Variants in TNRC6B observed in about 807,000 individuals in gnomAD.
TNRC6B encodes trinucleotide repeat containing adaptor 6B, also known as trinucleotide repeat-containing gene 6B protein.
TNRC6B carries 52 observed loss-of-function variants against 203.6 expected under a neutral mutation model. The ratio of observed to expected loss-of-function variants is 0.26; its 90% CI spans 0.20 to 0.32. The LOEUF is 0.32. Among genes scored for constraint, TNRC6B ranks in the 10% least tolerant of loss-of-function variants. The pLI is 1.00. For synonymous variants in TNRC6B, 838 were observed against 845.7 expected (o/e 0.99, Z 0.16); for missense variants, 1,923 against 2,286.2 (o/e 0.84, Z 3.24).
At chr22:40,269,368 A>G (rs2070527925) in intron 5 of TNRC6B, among the ~76,000 whole-genome samples, 1 of 151,908 alleles carries the variant, frequency 6.6e-6, no homozygotes, top group African/African-American at 2.4e-5. Flanking sequence ...TCCTGACCTC[A>G]GGAGATCCAC....
intron 4 of TNRC6B, among the ~76,000 whole-genome samples, chr22:40,164,760 C>CAA (rs550507661): frequency 1.0e-4 from 9 of 90,334 alleles, no homozygotes; most frequent in Non-Finnish European, 1.6e-4. Context: ...AATTCTGTCT[C>CAA]AAAAAAAAAA....
chr22:40,249,598 A>G (rs2070156739), intron 2 of TNRC6B, among the ~76,000 whole-genome samples: 2 of 152,236 alleles, frequency 1.3e-5, no homozygotes, highest in African/African-American at 4.8e-5. Context: ...CAGAACCCAC[A>G]TGATAAAACA....
At chr22:40,262,601 T>C (rs1273981411) in intron 4 of TNRC6B, among the ~76,000 whole-genome samples, 1 of 152,194 alleles carries the variant, frequency 6.6e-6, no homozygotes, top group African/African-American at 2.4e-5. Flanking sequence ...ATATAGAATC[T>C]TCGGAGGATT....
At chr22:40,249,871 C>G (rs540601462) in intron 2 of TNRC6B, among the ~76,000 whole-genome samples, 2 of 152,290 alleles carry the variant, frequency 1.3e-5, no homozygotes, top group African/African-American at 4.8e-5. Context: ...TCCACAAATT[C>G]ACTGTAATAG....
chr22:40,134,034 T>C (rs1201325439), intron 3 of TNRC6B, among the ~76,000 whole-genome samples: 1 of 150,676 alleles, frequency 6.6e-6, no homozygotes, highest in Non-Finnish European at 1.5e-5. Flanking sequence ...AAAAATTTGA[T>C]TGTGTTTCAG....
At chr22:40,315,869 A>G in intron 20 of TNRC6B, 73 bp from the exon 21 acceptor site, 2 of 1,123,532 alleles carry the variant, frequency 1.8e-6, no homozygotes, top group Non-Finnish European at 2.6e-6. Flanking sequence ...GCTACATGAA[A>G]ATCTTTCTCC....
At chr22:40,206,903 G>A (rs1172602454) in intron 1 of TNRC6B, among the ~76,000 whole-genome samples, 1 of 152,144 alleles carries the variant, frequency 6.6e-6, no homozygotes, top group Non-Finnish European at 1.5e-5. Context: ...TAGGGCCGCC[G>A]TAACAAAATA....
At chr22:40,280,482 A>C (rs184177633) in intron 10 of TNRC6B, among the ~76,000 whole-genome samples, 1 of 152,228 alleles carries the variant, frequency 6.6e-6, no homozygotes, top group African/African-American at 2.4e-5. Context: ...CAAATATTCC[A>C]TGTCTCCTAA....
chr22:40,277,983 G>C lies in TNRC6B; in HGVS notation c.3217-16G>C. 1 of 1,546,154 alleles carries C rather than the reference G, an allele frequency of 6.5e-7. No individual in the cohort carries two copies. ...GTGCATCCTTAATTCTCTCTCATCT[G>C]TTCTTTATTTTCCAGAGTCAGACTG... On this transcript the variant is annotated splice_polypyrimidine_tract_variant and intron_variant, in intron 8 of 22. Transcript: ENST00000454349.
intron 21 of TNRC6B, among the ~76,000 whole-genome samples, chr22:40,320,116 C>T (rs187161810): frequency 1.3e-5 from 2 of 152,290 alleles, no homozygotes; most frequent in Non-Finnish European, 2.9e-5. Context: ...GCTTTTTAAT[C>T]TATTCAATAG....
At chr22:40,165,075 C>T (rs990416867) in intron 4 of TNRC6B, among the ~76,000 whole-genome samples, 28 of 151,032 alleles carry the variant, frequency 1.9e-4, no homozygotes, top group African/African-American at 6.5e-4. Context: ...AGCCACCGCA[C>T]CCACCCCTCC....
rs1469002133 is a variant in TNRC6B, at chr22:40,323,950, C to G, written c.*709C>G. ...CTGTCTCTGTGTGTGTGCCTGTGTT[C>G]TTCCCTTCTCCCCTGCCCCACCCTG... On this transcript the variant is annotated 3_prime_UTR_variant, in exon 23 of 23. Transcript: ENST00000454349. The G allele has an allele frequency of 2.0e-5, 3 of 152,322 alleles. No homozygotes were observed. Among genetic ancestry groups the G allele is most frequent in the African/African-American group, 4.8e-5 (2 of 41,394 alleles). 9.4% of individuals were successfully genotyped at this position (152,322 alleles called of 1,614,324 possible). A position where few individuals can be genotyped will look rare whatever the true frequency, so the allele number is the denominator to read the frequency against.
At chr22:40,083,337 T>C (rs1025448869) in intron 1 of TNRC6B, among the ~76,000 whole-genome samples, 1 of 152,142 alleles carries the variant, frequency 6.6e-6, no homozygotes, top group Non-Finnish European at 1.5e-5. Flanking sequence ...ATTAACTGAA[T>C]TGAGTGCTGC....
chr22:40,098,886 C>T (rs2068209378), intron 1 of TNRC6B, among the ~76,000 whole-genome samples: 4 of 152,076 alleles, frequency 2.6e-5, no homozygotes, highest in Non-Finnish European at 4.4e-5. Context: ...TGCTACCATA[C>T]CCAGCTCTTT....
intron 4 of TNRC6B, among the ~76,000 whole-genome samples, chr22:40,156,633 T>C (rs2068820619): frequency 6.6e-6 from 1 of 152,210 alleles, no homozygotes; most frequent in Non-Finnish European, 1.5e-5. Flanking sequence ...TGCTGATCTT[T>C]GTTTAAATAA....
intron 1 of TNRC6B, among the ~76,000 whole-genome samples, chr22:40,191,718 A>G (rs1400405553): frequency 6.6e-6 from 1 of 152,020 alleles, no homozygotes; most frequent in Non-Finnish European, 1.5e-5. Context: ...AGTAGCTAAG[A>G]CTGCAAATGT....
chr22:40,123,445 G>C (rs992764580), intron 2 of TNRC6B, among the ~76,000 whole-genome samples: 2 of 152,182 alleles, frequency 1.3e-5, no homozygotes, highest in African/African-American at 4.8e-5. Flanking sequence ...AGCAAGTTGA[G>C]AGCAGTGCCC....
chr22:40,073,925 CG>C (rs1274012395), intron 1 of TNRC6B, among the ~76,000 whole-genome samples: 4 of 152,028 alleles, frequency 2.6e-5, no homozygotes, highest in Non-Finnish European at 5.9e-5. Context: ...AAAAATTAGT[CG>C]GGCATGGTGG....
chr22:40,191,894 G>A (rs1313880983), intron 1 of TNRC6B, among the ~76,000 whole-genome samples: 4 of 152,220 alleles, frequency 2.6e-5, no homozygotes, highest in Non-Finnish European at 5.9e-5. Context: ...GGGATTACAG[G>A]CATGCACCAC....
Sources: allele counts gnomAD v4.1 joint callset (sites outside exome capture counted in the v4.1 genomes callset), GRCh38; gene constraint gnomAD v4.1.1; transcripts MANE v1.5; gene names NCBI Gene and HGNC (gene_info 2026-07-23, HGNC 2026-07-21).